IGSF3: variants seen among roughly 807,000 people sequenced by gnomAD.
The protein encoded by IGSF3 is immunoglobulin superfamily member 3.
A neutral mutation model predicts 114.4 loss-of-function variants in IGSF3; 23 were observed. The ratio of observed to expected loss-of-function variants is 0.20; its 90% confidence interval spans 0.14 to 0.28. The LOEUF is 0.28. Ranked by LOEUF, IGSF3 falls within the 10% of genes least tolerant of loss-of-function variation. The probability of loss-of-function intolerance (pLI) is 1.00; values close to 1 mark genes in which losing one functional copy is unlikely to be tolerated. For synonymous variants in IGSF3, 571 were observed against 645.2 expected (o/e 0.88, Z 1.74); for missense variants, 1,172 against 1,591.5 (o/e 0.74, Z 4.48).
intron 8 of IGSF3, among the ~76,000 whole-genome samples, chr1:116,586,077 T>C (rs1390555187): frequency 6.6e-6 from 1 of 152,116 alleles, no homozygotes. Flanking sequence ...CTAGAAGCTG[T>C]GACACTATGA....
Position 116,646,512 on chromosome 1 carries a change from A to G in IGSF3, c.43+19772T>C, listed in dbSNP as rs1283243593. 4.0e-5 allele frequency among the ~76,000 whole-genome samples: 4 copies of G among 100,978 alleles called. No homozygotes were observed. In the East Asian group the frequency reaches 1.1e-3, roughly 28 times the overall value. The allele number at this position is 100,978 out of a possible 152,430, so 66.2% of individuals were successfully genotyped here. A position where few individuals can be genotyped will look rare whatever the true frequency, so the allele number is the denominator to read the frequency against. On this transcript the variant is annotated intron_variant, in intron 2 of 10. Coordinates refer to ENST00000369486, the MANE Select transcript of IGSF3 (RefSeq NM_001007237.3). ...GAGAAGGTTAGGTTTTGGCTCACAA[A>G]CAGTCAAGGAGAGAATCTCCTTAAT...
At chr1:116,667,447 C>A (rs1231099851) in intron 1 of IGSF3, among the ~76,000 whole-genome samples, 171 bp downstream of exon 1, 1 of 152,068 alleles carries the variant, frequency 6.6e-6, no homozygotes, top group African/African-American at 2.4e-5. Flanking sequence ...GCTGCCGGAG[C>A]GCGCTCGCAG....
chr1:116,594,313 G>C lies in IGSF3; in HGVS notation c.2030-5209C>G, dbSNP rs1660249546. ...AAAACTTTCTTTATCCCACAACTAGGACAATATAGCAAATTTTAAAGATAT... is the reference window on the plus strand; with the variant it reads ...AAAACTTTCTTTATCCCACAACTAGCACAATATAGCAAATTTTAAAGATAT... On this transcript the variant is annotated intron_variant, in intron 7 of 10. Transcript: ENST00000369486. The surrounding 1 kb of genome is among the most constrained non-coding windows in gnomAD (Gnocchi z 5.2). Among the ~76,000 whole-genome samples the C allele has an allele frequency of 6.6e-6, 1 of 152,074 alleles. No homozygotes were observed. The highest frequency in any genetic ancestry group is 6.6e-5 in the Admixed American group (1 of 15,266).
rs956575267 is a variant in IGSF3, at chr1:116,589,519, CA to C, written c.2030-416del. ...TGGCCTTCACCCAAGTGTCCTGACT[CA>C]TCTCTCACGACTCACCCTCAGGCAC... On this transcript the variant is annotated intron_variant, in intron 7 of 10. Transcript: ENST00000369486. The surrounding 1 kb of genome is among the most constrained non-coding windows in gnomAD (Gnocchi z 5.7). 2.0e-5 allele frequency among the ~76,000 whole-genome samples: 3 copies of C among 152,222 alleles called. No homozygotes were observed. The East Asian group carries it at 5.8e-4, about 29-fold the overall frequency.
intron 2 of IGSF3, among the ~76,000 whole-genome samples, chr1:116,637,710 C>T (rs1246388919): frequency 6.6e-6 from 1 of 152,242 alleles, no homozygotes; most frequent in Non-Finnish European, 1.5e-5. Flanking sequence ...CTTGCATTCA[C>T]CCTTGTTCCA....
In IGSF3 at chr1:116,624,296, C is replaced by A. The variant is rs559241; in HGVS notation, c.44-7839G>T. Among the ~76,000 whole-genome samples the A allele has an allele frequency of 3.3e-5, 5 of 151,766 alleles. No homozygotes were observed. Among genetic ancestry groups the A allele is most frequent in the African/African-American group, 4.8e-5 (2 of 41,266 alleles). ...CCAGCAGCAAACCTAAAGTTTGGAT[C>A]GAATTCCTAAGTCTTCGCCTTCACT... On this transcript the variant is annotated intron_variant, in intron 2 of 10. Coordinates refer to ENST00000369486, the MANE Select transcript of IGSF3 (RefSeq NM_001007237.3). The surrounding 1 kb of genome is among the most constrained non-coding windows in gnomAD (Gnocchi z 4.9).
Position 116,585,011 on chromosome 1 carries a change from C to T in IGSF3, c.2482G>A (p.Val828Ile). 1 of 1,565,478 alleles carries T rather than the reference C, an allele frequency of 6.4e-7. No individual in the cohort carries two copies. Among genetic ancestry groups the T allele is most frequent in the South Asian group, 1.2e-5 (1 of 83,880 alleles). The change falls in exon 9 of 11, where the codon GTT becomes ATT. Residue 828 changes from valine (V) to isoleucine (I), a missense_variant. Transcript: ENST00000369486. The surrounding 1 kb of genome is among the most constrained non-coding windows in gnomAD (Gnocchi z 4.9). ...RLSQAQGNLS[V>I]LETRQVQLEC... The stretch of plus-strand genomic sequence containing the variant: ...AGCTGTACCTGCCGGGTCTCCAGAA[C>T]CGACAGGTTCCCCTGGGCTTGGCTG...
chr1:116,667,348 G>A (rs1247994965), intron 1 of IGSF3, among the ~76,000 whole-genome samples: 2 of 152,128 alleles, frequency 1.3e-5, no homozygotes, highest in Non-Finnish European at 2.9e-5. Context: ...AGGTGGCCCC[G>A]CTATTGTTTT....
At chr1:116,631,223 CAGG>C (rs990577668) in intron 2 of IGSF3, among the ~76,000 whole-genome samples, 7 of 126,314 alleles carry the variant, frequency 5.5e-5, no homozygotes, top group African/African-American at 1.9e-4. Context: ...GAGGCTGAGG[CAGG>C]AGAATGGCGT....
intron 2 of IGSF3, among the ~76,000 whole-genome samples, chr1:116,646,397 C>G (rs1402679254): frequency 2.0e-5 from 3 of 152,086 alleles, no homozygotes; most frequent in Non-Finnish European, 4.4e-5. Flanking sequence ...ACCTTAAAAG[C>G]CTTGGAAACT....
rs1659519008 is a variant in IGSF3 at position 116,579,728 on chromosome 1, T to TC, written c.2997dup (p.Lys1000GlufsTer160). 6.2e-7 allele frequency: 1 copy of TC among 1,613,680 alleles called. No homozygotes were observed. Among genetic ancestry groups the TC allele is most frequent in the Non-Finnish European group, 8.5e-7 (1 of 1,179,914 alleles). ...TCTTCCAGGCCAGGGCTGCTCCTTTTCCCCCCAGCTTTAGTCCTCAGGGAA... is the reference window on the plus strand; with the variant it reads ...TCTTCCAGGCCAGGGCTGCTCCTTTTCCCCCCCAGCTTTAGTCCTCAGGGAA... On this transcript the variant is annotated frameshift_variant, in exon 10 of 11. Transcript: ENST00000369486. LOFTEE classifies it high-confidence loss of function. The surrounding 1 kb of genome is among the most constrained non-coding windows in gnomAD (Gnocchi z 6.4).
At chr1:116,611,092 T>A (rs1661002924) in intron 4 of IGSF3, among the ~76,000 whole-genome samples, 1 of 152,106 alleles carries the variant, frequency 6.6e-6, no homozygotes, top group Admixed American at 6.5e-5. Context: ...TAGCCTTAGC[T>A]CTTATTAGCT....
At chr1:116,637,997 T>TA (rs1287273939) in intron 2 of IGSF3, among the ~76,000 whole-genome samples, 4 of 152,210 alleles carry the variant, frequency 2.6e-5, no homozygotes, top group Non-Finnish European at 4.4e-5. Context: ...GTCCTGCCTA[T>TA]AAGTATATCG....
rs1446859489 is a variant in IGSF3 at position 116,636,810 on chromosome 1, C to T, written c.44-20353G>A. ...CAGCATCTCCGCGAGAAGTGTTGGG[C>T]AGTGTCCAGGAGTGTTTTTCTTCCT... On this transcript the variant is annotated intron_variant, in intron 2 of 10. Coordinates refer to ENST00000369486, the MANE Select transcript of IGSF3 (RefSeq NM_001007237.3). The surrounding 1 kb of genome is among the most constrained non-coding windows in gnomAD (Gnocchi z 4.5). 6.6e-6 allele frequency among the ~76,000 whole-genome samples: 1 copy of T among 152,176 alleles called. No individual in the cohort carries two copies. The highest frequency in any genetic ancestry group is 2.4e-5 in the African/African-American group (1 of 41,444).
chr1:116,579,729 C>A lies in IGSF3; in HGVS notation c.2997G>T (p.Gly999=). The A allele has an allele frequency of 6.3e-7, 1 of 1,597,402 alleles. No individual in the cohort carries two copies. The highest frequency in any genetic ancestry group is 1.3e-5 in the African/African-American group (1 of 74,470). ...CTTCCAGGCCAGGGCTGCTCCTTTTCCCCCCAGCTTTAGTCCTCAGGGAAT... is the reference window on the plus strand; with the variant it reads ...CTTCCAGGCCAGGGCTGCTCCTTTTACCCCCAGCTTTAGTCCTCAGGGAAT... ...AWYSLRTKAG[G]KRSSPGLEEQ... The change falls in exon 10 of 11, where the codon GGG becomes GGT. Residue 999 remains glycine (G), a synonymous_variant. Coordinates refer to ENST00000369486, the MANE Select transcript of IGSF3 (RefSeq NM_001007237.3). The surrounding 1 kb of genome is among the most constrained non-coding windows in gnomAD (Gnocchi z 6.4).
At position 116,632,137 on chromosome 1, in the gene IGSF3, A is replaced by G. The variant is rs1465535693; in HGVS notation, c.44-15680T>C. On this transcript the variant is annotated intron_variant, in intron 2 of 10. Coordinates refer to ENST00000369486, the MANE Select transcript of IGSF3 (RefSeq NM_001007237.3). The surrounding 1 kb of genome is among the most constrained non-coding windows in gnomAD (Gnocchi z 5.1). ...CTAAGAAATGAGAGGAAGGACAAAC[A>G]AGATGTTCAAATTAGAAAATGATTC... Among the ~76,000 whole-genome samples, 1 of 152,206 alleles carries G rather than the reference A, an allele frequency of 6.6e-6. No individual in the cohort carries two copies. The highest frequency in any genetic ancestry group is 1.9e-4 in the East Asian group (1 of 5,184).
chr1:116,652,236 AG>A (rs1648661567), intron 2 of IGSF3, among the ~76,000 whole-genome samples: 1 of 152,244 alleles, frequency 6.6e-6, no homozygotes, highest in Admixed American at 6.5e-5. Flanking sequence ...TTTCAAGCTC[AG>A]TCTAGTATTT....
At position 116,636,128 on chromosome 1, in the gene IGSF3, G is replaced by C. The variant is rs1206789458; in HGVS notation, c.44-19671C>G. 6.6e-6 allele frequency among the ~76,000 whole-genome samples: 1 copy of C among 152,138 alleles called. No individual in the cohort carries two copies. The highest frequency in any genetic ancestry group is 2.4e-5 in the African/African-American group (1 of 41,436). ...GACCACACCCTCTCAAAAGGCCTTTGCCAGTCATCAAACAAAGCCTCTTGT... is the reference window on the plus strand; with the variant it reads ...GACCACACCCTCTCAAAAGGCCTTTCCCAGTCATCAAACAAAGCCTCTTGT... On this transcript the variant is annotated intron_variant, in intron 2 of 10. Transcript: ENST00000369486. This position sits in a 1 kb window ranked among gnomAD's most constrained non-coding sequence, Gnocchi z 4.5.
intron 4 of IGSF3, among the ~76,000 whole-genome samples, chr1:116,609,418 C>T (rs1159271788): frequency 2.0e-5 from 3 of 151,862 alleles, no homozygotes; most frequent in African/African-American, 7.3e-5. Context: ...GGGTGCTTAA[C>T]CAGGCATGAG....
Sources: allele counts gnomAD v4.1 joint callset (sites outside exome capture counted in the v4.1 genomes callset), GRCh38; gene constraint gnomAD v4.1.1; non-coding constraint Gnocchi (gnomAD v3.1); transcripts MANE v1.5; gene names NCBI Gene and HGNC (gene_info 2026-07-23, HGNC 2026-07-21).